Variants in FRMD5 observed in about 807,000 individuals in gnomAD.
FRMD5 encodes the protein FERM domain containing 5, also known as FERM domain-containing protein 5.
A neutral mutation model predicts 69.0 loss-of-function variants in FRMD5; 20 were observed. The ratio of observed to expected loss-of-function variants is 0.29; its 90% CI spans 0.20 to 0.42. FRMD5 has a LOEUF of 0.42. Ranked by LOEUF, FRMD5 falls within the 10% of genes least tolerant of loss-of-function variation. The pLI, the probability that FRMD5 is intolerant of heterozygous loss-of-function variation, is 1.00. For missense variants in FRMD5, 595 were observed against 708.6 expected, an observed-to-expected ratio of 0.84 and a Z score of 1.82; for synonymous variants, 271 against 260.1, an observed-to-expected ratio of 1.04 and a Z score of -0.40.
At chr15:44,073,279 AC>A (rs1234381552) in intron 1 of FRMD5, among the ~76,000 whole-genome samples, 2 of 147,228 alleles carry the variant, frequency 1.4e-5, no homozygotes, top group African/African-American at 5.4e-5. Context: ...ACCCTTCCAG[AC>A]ACTCTGCACA....
intron 1 of FRMD5, among the ~76,000 whole-genome samples, chr15:44,145,110 TTC>T (rs973261610): frequency 6.6e-6 from 1 of 152,178 alleles, no homozygotes; most frequent in African/African-American, 2.4e-5. Flanking sequence ...AGCAGCCTAT[TTC>T]TCTGTTTTTG....
intron 1 of FRMD5, among the ~76,000 whole-genome samples, chr15:43,975,986 G>A (rs1458151439): frequency 2.6e-5 from 4 of 151,052 alleles, no homozygotes; most frequent in Admixed American, 2.6e-4. Flanking sequence ...TTTTCAACAA[G>A]GTGTAAAAGG....
At chr15:43,992,621 A>G (rs1889740114) in intron 1 of FRMD5, among the ~76,000 whole-genome samples, 1 of 152,108 alleles carries the variant, frequency 6.6e-6, no homozygotes, top group Non-Finnish European at 1.5e-5. Context: ...CAGGTGACCC[A>G]CCTGCCTTGG....
intron 1 of FRMD5, among the ~76,000 whole-genome samples, chr15:44,156,332 C>T (rs563659281): frequency 4.6e-5 from 7 of 152,030 alleles, no homozygotes; most frequent in African/African-American, 1.7e-4. Context: ...TTAGTAGAGA[C>T]GGGGTTTCAC....
intron 8 of FRMD5, among the ~76,000 whole-genome samples, chr15:43,889,531 A>G (rs1391506097): frequency 6.6e-6 from 1 of 152,208 alleles, no homozygotes; most frequent in East Asian, 1.9e-4. Flanking sequence ...GCTGCAGTAA[A>G]AGAGGCAAAC....
chr15:43,879,134 C>T (rs561939531), intron 13 of FRMD5, among the ~76,000 whole-genome samples: 4 of 151,994 alleles, frequency 2.6e-5, no homozygotes, highest in East Asian at 3.9e-4. Flanking sequence ...GATGGGGTTT[C>T]GCCATGTTGG....
chr15:44,019,115 G>GA (rs1161868875), intron 1 of FRMD5, among the ~76,000 whole-genome samples: 1 of 152,014 alleles, frequency 6.6e-6, no homozygotes, highest in Non-Finnish European at 1.5e-5. Flanking sequence ...GACTGGTCTT[G>GA]AACTCCTGAC....
rs146369001 is a variant in FRMD5 at position 44,167,846 on chromosome 15, C to T, written c.102+27107G>A. On this transcript the variant is annotated intron_variant, in intron 1 of 13. Coordinates refer to ENST00000417257, the MANE Select transcript of FRMD5 (RefSeq NM_032892.5). Reference sequence around the variant, plus strand: ...CCTTAGGTGATCCACCTGCCTCGGCCTCCCAGAGTGCTGGGATTACAGGCA... The same window carrying T: ...CCTTAGGTGATCCACCTGCCTCGGCTTCCCAGAGTGCTGGGATTACAGGCA... Among the ~76,000 whole-genome samples the T allele has an allele frequency of 2.9e-3, 449 of 152,348 alleles. 2 individuals are homozygous for T. Among genetic ancestry groups the T allele is most frequent in the Non-Finnish European group, 4.8e-3 (324 of 68,038 alleles).
intron 1 of FRMD5, among the ~76,000 whole-genome samples, chr15:44,142,204 T>G (rs1477057646): frequency 6.6e-6 from 1 of 152,222 alleles, no homozygotes; most frequent in Non-Finnish European, 1.5e-5. Context: ...CTGATCCACT[T>G]AATTATATTA....
intron 1 of FRMD5, among the ~76,000 whole-genome samples, chr15:43,928,679 C>G (rs2089626439): frequency 6.6e-6 from 1 of 152,208 alleles, no homozygotes; most frequent in African/African-American, 2.4e-5. Flanking sequence ...TATTCTGTGA[C>G]AGTCAGTCTT....
At chr15:44,111,867 CT>C (rs1232930149) in intron 1 of FRMD5, among the ~76,000 whole-genome samples, 14 of 145,204 alleles carry the variant, frequency 9.6e-5, no homozygotes, top group Middle Eastern at 3.5e-3. Context: ...TTTTTTTTTT[CT>C]GAGACAGAGT....
chr15:43,954,593 A>G (rs1445498057), intron 1 of FRMD5, among the ~76,000 whole-genome samples: 1 of 152,214 alleles, frequency 6.6e-6, no homozygotes, highest in African/African-American at 2.4e-5. Flanking sequence ...GGGTTGACTC[A>G]TCCTGGTTTG....
At chr15:44,056,605 C>T (rs1232450169) in intron 1 of FRMD5, among the ~76,000 whole-genome samples, 1 of 152,140 alleles carries the variant, frequency 6.6e-6, no homozygotes, top group Non-Finnish European at 1.5e-5. Context: ...TAAAGAGTGT[C>T]AGCCATAGCA....
intron 7 of FRMD5, among the ~76,000 whole-genome samples, chr15:43,894,894 G>T (rs1261318872): frequency 6.6e-6 from 1 of 152,156 alleles, no homozygotes; most frequent in Non-Finnish European, 1.5e-5. Context: ...AGGGTTGATC[G>T]TGTTACCTAC....
At chr15:43,890,172 C>T (rs1217345231) in intron 8 of FRMD5, among the ~76,000 whole-genome samples, 8 of 152,130 alleles carry the variant, frequency 5.3e-5, no homozygotes, top group African/African-American at 1.9e-4. Context: ...TACAATAATG[C>T]CAATTGGTTA....
chr15:43,961,672 C>T (rs1025086193), intron 1 of FRMD5, among the ~76,000 whole-genome samples: 33 of 152,222 alleles, frequency 2.2e-4, no homozygotes, highest in African/African-American at 6.3e-4. Flanking sequence ...ACTGGCAAAC[C>T]GAATCCAGCA....
At chr15:44,100,044 TC>T (rs2076614635) in intron 1 of FRMD5, among the ~76,000 whole-genome samples, 1 of 149,030 alleles carries the variant, frequency 6.7e-6, no homozygotes, top group Non-Finnish European at 1.5e-5. Context: ...AGCTTCTTCT[TC>T]TCTTTTTTTT....
chr15:44,146,335 C>T (rs1196068219), intron 1 of FRMD5, among the ~76,000 whole-genome samples: 4 of 152,150 alleles, frequency 2.6e-5, no homozygotes, highest in Non-Finnish European at 4.4e-5. Flanking sequence ...TGATCTCATT[C>T]CTTTTTATGG....
intron 1 of FRMD5, among the ~76,000 whole-genome samples, chr15:44,008,965 G>C (rs1890588050): frequency 6.6e-6 from 1 of 152,118 alleles, no homozygotes; most frequent in South Asian, 2.1e-4. Flanking sequence ...GGCGGAGCTT[G>C]CAGTGAGCCG....
Sources: allele counts gnomAD v4.1 joint callset (sites outside exome capture counted in the v4.1 genomes callset), GRCh38; gene constraint gnomAD v4.1.1; transcripts MANE v1.5; gene names NCBI Gene and HGNC (gene_info 2026-07-23, HGNC 2026-07-21).